The following STON2 variants were observed in gnomAD, a reference collection of about 807,000 sequenced individuals.
The protein encoded by STON2 is stonin 2.
In STON2, 29 loss-of-function variants were observed where a neutral mutation model predicts 65.7. The observed-to-expected ratio is 0.44, with a 90% CI of 0.33 to 0.60. The LOEUF (loss-of-function observed/expected upper bound fraction) is 0.60. Among genes scored for constraint, STON2 ranks in the 20% least tolerant of loss-of-function variants. The probability of loss-of-function intolerance (pLI) is 0.03; values close to 1 mark genes in which losing one functional copy is unlikely to be tolerated. For missense variants in STON2, 1,054 were observed against 1,118.1 expected (o/e 0.94, Z 0.82); for synonymous variants, 404 against 414.2 (o/e 0.98, Z 0.30).
chr14:81,371,244 TTA>T, intron 3 of STON2, 59 bp from the exon 4 acceptor site: 1 of 1,491,634 alleles, frequency 6.7e-7, no homozygotes, highest in South Asian at 1.2e-5. Flanking sequence ...TTGTTTATCT[TTA>T]GTGCTTATCT....
At chr14:81,405,411 C>T (rs1900796960) in intron 2 of STON2, among the ~76,000 whole-genome samples, 2 of 144,158 alleles carry the variant, frequency 1.4e-5, no homozygotes, top group South Asian at 4.4e-4. Flanking sequence ...GCTTTAAAGA[C>T]TTTGCCTGCT....
rs995890643 is a variant in STON2 at position 81,326,596 on chromosome 14, C to T, written c.572-2409G>A. 2.6e-5 allele frequency among the ~76,000 whole-genome samples: 4 copies of T among 152,142 alleles called. No homozygotes were observed. In the East Asian group the frequency reaches 7.7e-4, roughly 29 times the overall value. ...AACATATTGTATCACAAATTTGACA[C>T]AATATTAATATACAAGTTAGAACAG... On this transcript the variant is annotated intron_variant, in intron 4 of 7. Coordinates refer to ENST00000614646, the MANE Select transcript of STON2 (RefSeq NM_001394390.1).
At position 81,377,637 on chromosome 14, in the gene STON2, C is replaced by T. The variant is rs115578113; in HGVS notation, c.374-6452G>A. On this transcript the variant is annotated intron_variant, in intron 3 of 7. Transcript: ENST00000614646. The stretch of plus-strand genomic sequence containing the variant: ...CCATTTTATATTCCCACCAGCAATG[C>T]ATGAATGATCCAATCTCTCGGCATC... Among the ~76,000 whole-genome samples the T allele has an allele frequency of 8.2e-3, 1,250 of 152,282 alleles. 20 individuals carry two copies. Among genetic ancestry groups the T allele is most frequent in the African/African-American group, 0.029 (1,204 of 41,560 alleles).
At chr14:81,279,258 A>G (rs1895008557) in intron 5 of STON2, among the ~76,000 whole-genome samples, 1 of 152,240 alleles carries the variant, frequency 6.6e-6, no homozygotes, top group Non-Finnish European at 1.5e-5. Flanking sequence ...AACCTTCTTA[A>G]TATTCAGTAG....
chr14:81,305,467 G>A (rs1301707049), intron 5 of STON2, among the ~76,000 whole-genome samples: 2 of 152,154 alleles, frequency 1.3e-5, no homozygotes, highest in Admixed American at 6.5e-5. Context: ...CACTGAAGGT[G>A]TATACCTTTT....
chr14:81,296,025 T>C (rs1366099693), intron 5 of STON2, among the ~76,000 whole-genome samples: 1 of 152,228 alleles, frequency 6.6e-6, no homozygotes, highest in Admixed American at 6.5e-5. Context: ...TATCCAGTTA[T>C]AGAGCCTACA....
chr14:81,278,238 G>A lies in STON2; in HGVS notation c.1244C>T (p.Ser415Phe), dbSNP rs767574277. The A allele has an allele frequency of 4.3e-6, 7 of 1,614,128 alleles. No homozygotes were observed. Among genetic ancestry groups the A allele is most frequent in the South Asian group, 1.1e-5 (1 of 91,084 alleles). The change falls in exon 6 of 8, where the codon TCC becomes TTC. Residue 415 changes from serine to phenylalanine, a missense_variant. By Grantham distance (155) the Ser-to-Phe change is radical. Coordinates refer to ENST00000614646, the MANE Select transcript of STON2 (RefSeq NM_001394390.1). ...GGCATCCTGGTAGATGACAATGAGG[G>A]AATCTCTTTGGCTTTTGCCCGTGGT... ...SSTTGKSQRDSLIVIYQDAIS... is the reference protein window; with the variant it reads ...SSTTGKSQRDFLIVIYQDAIS...
chr14:81,266,639 G>A lies in STON2; in HGVS notation c.*1775C>T. The A allele has an allele frequency of 1.0e-6, 1 of 977,086 alleles. No individual in the cohort carries two copies. The highest frequency in any genetic ancestry group is 1.2e-6 in the Non-Finnish European group (1 of 822,616). 60.5% of individuals were successfully genotyped at this position (977,086 alleles called of 1,614,324 possible). A position where few individuals can be genotyped will look rare whatever the true frequency, so the allele number is the denominator to read the frequency against. The stretch of plus-strand genomic sequence containing the variant: ...CCATTTAGATATGGACTAGATGGAG[G>A]GTTAATAAAAGCATGTAAGGCTTTT... On this transcript the variant is annotated 3_prime_UTR_variant, in exon 8 of 8. Coordinates refer to ENST00000614646, the MANE Select transcript of STON2 (RefSeq NM_001394390.1).
intron 2 of STON2, among the ~76,000 whole-genome samples, chr14:81,418,433 T>A (rs1314225384): frequency 6.6e-6 from 1 of 152,066 alleles, no homozygotes; most frequent in African/African-American, 2.4e-5. Context: ...CCAAACTGTA[T>A]CAGAAAGCGA....
At chr14:81,388,063 C>T (rs1899906857) in intron 3 of STON2, among the ~76,000 whole-genome samples, 1 of 148,846 alleles carries the variant, frequency 6.7e-6, no homozygotes, top group African/African-American at 2.5e-5. Context: ...GATTCTCCTG[C>T]CTCAGCCTCC....
intron 4 of STON2, among the ~76,000 whole-genome samples, chr14:81,363,408 T>G (rs1315291728): frequency 6.6e-6 from 1 of 152,192 alleles, no homozygotes; most frequent in African/African-American, 2.4e-5. Context: ...CTTTTCTTTG[T>G]ATTCTCAGTA....
At chr14:81,358,175 A>G (rs1022671905) in intron 4 of STON2, among the ~76,000 whole-genome samples, 1 of 152,204 alleles carries the variant, frequency 6.6e-6, no homozygotes, top group African/African-American at 2.4e-5. Context: ...TTAAGGGTTA[A>G]AAAACAAAAC....
Position 81,398,889 on chromosome 14 carries a change from T to C in STON2, c.-198-309A>G, listed in dbSNP as rs539551967. Among the ~76,000 whole-genome samples, 19 of 152,382 alleles carry C rather than the reference T, an allele frequency of 1.2e-4. No homozygotes were observed. The South Asian group carries it at 3.9e-3, about 32-fold the overall frequency. ...TTGTCATCTATAATACTATCATTGCTAAACAAATATTAAAACTTTTCAAAA... is the reference window on the plus strand; with the variant it reads ...TTGTCATCTATAATACTATCATTGCCAAACAAATATTAAAACTTTTCAAAA... On this transcript the variant is annotated intron_variant, in intron 1 of 7. Transcript: ENST00000614646.
intron 7 of STON2, chr14:81,269,991 T>C: frequency 4.1e-6 from 4 of 985,390 alleles, no homozygotes; most frequent in Non-Finnish European, 4.8e-6. Flanking sequence ...CTGAAGCATA[T>C]GCTTTGGGAT....
At chr14:81,376,627 G>A (rs2140381727) in intron 3 of STON2, among the ~76,000 whole-genome samples, 1 of 152,188 alleles carries the variant, frequency 6.6e-6, no homozygotes, top group South Asian at 2.1e-4. Context: ...CATTTTATAA[G>A]GTTAGCATTT....
intron 4 of STON2, among the ~76,000 whole-genome samples, chr14:81,367,602 T>C (rs1898796079): frequency 1.3e-5 from 2 of 152,192 alleles, no homozygotes; most frequent in Non-Finnish European, 2.9e-5. Context: ...GGACCCAGGA[T>C]GAGGTGAAGA....
intron 4 of STON2, among the ~76,000 whole-genome samples, chr14:81,344,005 A>G (rs1897716837): frequency 1.3e-5 from 2 of 152,318 alleles, no homozygotes; most frequent in African/African-American, 4.8e-5. Context: ...ATACGGAACT[A>G]GCATTATGCT....
chr14:81,377,803 A>C (rs1408150706), intron 3 of STON2, among the ~76,000 whole-genome samples: 12 of 152,014 alleles, frequency 7.9e-5, no homozygotes, highest in Admixed American at 7.9e-4. Flanking sequence ...CTATCTCGAT[A>C]CATTCTCTTT....
At chr14:81,295,998 A>G (rs1394599719) in intron 5 of STON2, among the ~76,000 whole-genome samples, 2 of 152,210 alleles carry the variant, frequency 1.3e-5, no homozygotes, top group African/African-American at 4.8e-5. Context: ...GTTCTAAAAC[A>G]TAAGGATTAT....
Sources: gnomAD v4.1 joint callset for allele counts (sites outside exome capture counted in the v4.1 genomes callset) on GRCh38, gnomAD v4.1.1 for gene constraint, MANE v1.5 for transcripts, NCBI Gene and HGNC (gene_info 2026-07-23, HGNC 2026-07-21) for gene names.